The following SLC5A3 variants were observed in gnomAD, a reference collection of about 807,000 sequenced individuals.
SLC5A3 encodes solute carrier family 5 member 3, also known as sodium/myo-inositol cotransporter.
SLC5A3 carries 10 observed loss-of-function variants against 43.2 expected under a neutral mutation model. That is an observed-to-expected ratio of 0.23 (90% CI 0.14 to 0.39). The LOEUF (loss-of-function observed/expected upper bound fraction) is 0.39, where lower values mean the gene tolerates loss of function less well. Ranked by LOEUF, SLC5A3 falls within the 10% of genes least tolerant of loss-of-function variation. The pLI, the probability that SLC5A3 is intolerant of heterozygous loss-of-function variation, is 1.00. For missense variants in SLC5A3, 608 were observed against 893.4 expected (o/e 0.68, Z 4.07); for synonymous variants, 349 against 322.0 (o/e 1.08, Z -0.90).
intron 1 of SLC5A3, 66 bp downstream of exon 1, chr21:34,073,811 C>G: frequency 1.6e-6 from 2 of 1,238,108 alleles, no homozygotes; most frequent in South Asian, 2.9e-5. Context: ...AGGCCGCCGT[C>G]CCCCGCGCGC....
intron 1 of SLC5A3, among the ~76,000 whole-genome samples, chr21:34,093,912 C>T (rs1331135181): frequency 6.6e-6 from 1 of 151,960 alleles, no homozygotes; most frequent in African/African-American, 2.4e-5. Context: ...TGAGGTTTGG[C>T]GGACATAATA....
At chr21:34,080,555 T>TAAACA (rs1261410035) in intron 1 of SLC5A3, among the ~76,000 whole-genome samples, 2 of 152,230 alleles carry the variant, frequency 1.3e-5, no homozygotes, top group Admixed American at 1.3e-4. Context: ...CTTAACTCAT[T>TAAACA]TGGTACATTA....
chr21:34,074,045 C>G (rs544192950), intron 1 of SLC5A3, among the ~76,000 whole-genome samples: 10 of 146,292 alleles, frequency 6.8e-5, no homozygotes, highest in South Asian at 4.2e-4. Flanking sequence ...GCCCCGACCC[C>G]GATCCCGGCG....
At chr21:34,093,996 A>G (rs1305314534) in intron 1 of SLC5A3, among the ~76,000 whole-genome samples, 1 of 152,184 alleles carries the variant, frequency 6.6e-6, no homozygotes, top group Admixed American at 6.5e-5. Flanking sequence ...CCCTTCAACA[A>G]AAAGCATTAA....
intron 1 of SLC5A3, among the ~76,000 whole-genome samples, chr21:34,083,943 A>G (rs1240219620): frequency 6.6e-6 from 1 of 152,164 alleles, no homozygotes; most frequent in Non-Finnish European, 1.5e-5. Context: ...TCGTGACCCT[A>G]TTTCCCTGGA....
At position 34,106,255 on chromosome 21, in the gene SLC5A3, A is replaced by T; in HGVS notation, c.*8900A>T. ...TGTACCAACTTTGAATAAAATGAAA[A>T]ATTTATATTTCTGTGACTAAGTATT... On this transcript the variant is annotated 3_prime_UTR_variant, in exon 2 of 2. Coordinates refer to ENST00000381151, the MANE Select transcript of SLC5A3 (RefSeq NM_006933.7). 3.7e-6 allele frequency: 3 copies of T among 817,224 alleles called. No homozygotes were observed. The highest frequency in any genetic ancestry group is 4.5e-6 in the Non-Finnish European group (3 of 663,194). 50.6% of individuals were successfully genotyped at this position (817,224 alleles called of 1,614,324 possible). A position where few individuals can be genotyped will look rare whatever the true frequency, so the allele number is the denominator to read the frequency against.
In SLC5A3 at chr21:34,099,080, C is replaced by T. The variant is rs1979109978; in HGVS notation, c.*1725C>T. The T allele has an allele frequency of 3.0e-6, 3 of 999,352 alleles. No homozygotes were observed. The South Asian group carries it at 1.4e-4, about 47-fold the overall frequency. The allele number at this position is 999,352 out of a possible 1,614,324, so 61.9% of individuals were successfully genotyped here. ...GTTAATTTTAGAAATTGTCAGGTAG[C>T]ATAGTGTCTTCCCATGATCAGGAGG... On this transcript the variant is annotated 3_prime_UTR_variant, in exon 2 of 2. Transcript: ENST00000381151.
rs752822172 is a variant in SLC5A3, at chr21:34,099,561, A to G, written c.*2206A>G. The G allele has an allele frequency of 1.3e-5, 13 of 999,880 alleles. No homozygotes were observed. The highest frequency in any genetic ancestry group is 1.1e-4 in the East Asian group (1 of 8,836). 61.9% of individuals were successfully genotyped at this position (999,880 alleles called of 1,614,324 possible). On this transcript the variant is annotated 3_prime_UTR_variant, in exon 2 of 2. Coordinates refer to ENST00000381151, the MANE Select transcript of SLC5A3 (RefSeq NM_006933.7). ...AATTGACATATTGGCTGGGCAGCCT[A>G]TCTCTTCCATATCCAGCGTAAATGA...
chr21:34,103,770 T>G lies in SLC5A3; in HGVS notation c.*6415T>G. 1.0e-6 allele frequency: 1 copy of G among 1,000,076 alleles called. No homozygotes were observed. The highest frequency in any genetic ancestry group is 1.7e-5 in the African/African-American group (1 of 57,336). The allele number at this position is 1,000,076 out of a possible 1,614,324, so 62.0% of individuals were successfully genotyped here. A position where few individuals can be genotyped will look rare whatever the true frequency, so the allele number is the denominator to read the frequency against. On this transcript the variant is annotated 3_prime_UTR_variant, in exon 2 of 2. Transcript: ENST00000381151. The stretch of plus-strand genomic sequence containing the variant: ...AATGGTAAGGGACCCAAAGGAATAA[T>G]CTCAATAAGTTTGTACCACATTGAT...
intron 1 of SLC5A3, among the ~76,000 whole-genome samples, chr21:34,079,295 A>G (rs900306334): frequency 1.3e-5 from 2 of 152,174 alleles, no homozygotes. Flanking sequence ...TCTTTTGTTT[A>G]TATTTATTAT....
Position 34,099,786 on chromosome 21 carries a change from A to G in SLC5A3, c.*2431A>G, listed in dbSNP as rs1245889120. On this transcript the variant is annotated 3_prime_UTR_variant, in exon 2 of 2. Transcript: ENST00000381151. ...CTGTAAATAAGGAATGACTATTAGC[A>G]TATTCATTAGAATTGTTTATTCTTG... 22 of 819,878 alleles carry G rather than the reference A, an allele frequency of 2.7e-5. No individual in the cohort carries two copies. The highest frequency in any genetic ancestry group is 3.0e-5 in the Non-Finnish European group (20 of 666,334). 50.8% of individuals were successfully genotyped at this position (819,878 alleles called of 1,614,324 possible). A position where few individuals can be genotyped will look rare whatever the true frequency, so the allele number is the denominator to read the frequency against.
At chr21:34,074,136 T>C (rs1332025112) in intron 1 of SLC5A3, among the ~76,000 whole-genome samples, 1 of 148,558 alleles carries the variant, frequency 6.7e-6, no homozygotes, top group East Asian at 2.0e-4. Flanking sequence ...TCCCCGCCAG[T>C]CGTGAAGCTG....
At chr21:34,081,596 G>GT (rs1162641930) in intron 1 of SLC5A3, among the ~76,000 whole-genome samples, 2 of 152,178 alleles carry the variant, frequency 1.3e-5, no homozygotes, top group Non-Finnish European at 2.9e-5. Context: ...ATGGGACTGG[G>GT]TTTTGGATTG....
intron 1 of SLC5A3, 25 bp downstream of exon 1, chr21:34,073,770 G>T: frequency 6.8e-7 from 1 of 1,473,560 alleles, no homozygotes; most frequent in African/African-American, 1.5e-5. Context: ...CTCAGAGCCG[G>T]TCTTCCCGCG....
intron 1 of SLC5A3, among the ~76,000 whole-genome samples, chr21:34,090,565 G>A (rs1415998092): frequency 2.0e-5 from 3 of 152,168 alleles, no homozygotes; most frequent in East Asian, 3.9e-4. Flanking sequence ...AATAACTTGG[G>A]AAAATCCTAA....
In SLC5A3 at chr21:34,102,590, T is replaced by C. The variant is rs1246848302; in HGVS notation, c.*5235T>C. The C allele has an allele frequency of 1.0e-6, 1 of 1,000,100 alleles. No individual in the cohort carries two copies. The highest frequency in any genetic ancestry group is 1.2e-6 in the Non-Finnish European group (1 of 829,940). 62.0% of individuals were successfully genotyped at this position (1,000,100 alleles called of 1,614,324 possible). A position where few individuals can be genotyped will look rare whatever the true frequency, so the allele number is the denominator to read the frequency against. ...CAGTACCATACATAGTCTGAGGCTATTGACTTAAACCAATAACTGTACTTT... is the reference window on the plus strand; with the variant it reads ...CAGTACCATACATAGTCTGAGGCTACTGACTTAAACCAATAACTGTACTTT... On this transcript the variant is annotated 3_prime_UTR_variant, in exon 2 of 2. Coordinates refer to ENST00000381151, the MANE Select transcript of SLC5A3 (RefSeq NM_006933.7).
intron 1 of SLC5A3, among the ~76,000 whole-genome samples, chr21:34,086,448 TCATTA>T (rs773001392): frequency 9.2e-5 from 14 of 152,180 alleles, no homozygotes; most frequent in Admixed American, 3.3e-4. Context: ...GTGATTTTTC[TCATTA>T]CATTAGTCCT....
At chr21:34,081,874 C>T (rs952803784) in intron 1 of SLC5A3, among the ~76,000 whole-genome samples, 1 of 152,014 alleles carries the variant, frequency 6.6e-6, no homozygotes, top group South Asian at 2.1e-4. Context: ...TCATCAGAAT[C>T]CCAAACTAGA....
At chr21:34,084,420 G>GT in intron 1 of SLC5A3, among the ~76,000 whole-genome samples, 1 of 152,260 alleles carries the variant, frequency 6.6e-6, no homozygotes, top group South Asian at 2.1e-4. Flanking sequence ...AGTTGACCTG[G>GT]TAGGATGTTT....
Sources: gnomAD v4.1 joint callset for allele counts (sites outside exome capture counted in the v4.1 genomes callset) on GRCh38, gnomAD v4.1.1 for gene constraint, MANE v1.5 for transcripts, NCBI Gene and HGNC (gene_info 2026-07-23, HGNC 2026-07-21) for gene names.